Variants in B3GNT9 observed in about 807,000 individuals in gnomAD.
The protein encoded by B3GNT9 is BGnT-9.
For synonymous variants in B3GNT9, 359 were observed against 283.9 expected, an observed-to-expected ratio of 1.26 and a Z score of -2.66; for missense variants, 669 against 599.2, an observed-to-expected ratio of 1.12 and a Z score of -1.22.
rs1001360337 is a variant in B3GNT9 at position 67,150,684 on chromosome 16, G to C, written c.-186-13C>G. On this transcript the variant is annotated splice_polypyrimidine_tract_variant and intron_variant, in intron 1 of 1. Transcript: ENST00000449549. ...CGGGACCGGCAGCCTGAAGGGACAA[G>C]AAGTTCACCCATGTAGCCAACTCCC... 6.5e-5 allele frequency: 27 copies of C among 417,452 alleles called. No homozygotes were observed. The highest frequency in any genetic ancestry group is 9.8e-5 in the Non-Finnish European group (24 of 245,274). 25.9% of individuals were successfully genotyped at this position (417,452 alleles called of 1,614,324 possible). A position where few individuals can be genotyped will look rare whatever the true frequency, so the allele number is the denominator to read the frequency against.
chr16:67,149,323 G>C lies in B3GNT9; in HGVS notation c.1163C>G (p.Ala388Gly). ...GCCTGCAGCGACAGGCTGTGGATGC[G>C]CACAGGCTGGCCCATGCGGCCCGTG... ...LLHGPHGPACAHPQPVAAGPF... is the reference protein window; with the variant it reads ...LLHGPHGPACGHPQPVAAGPF... The change falls in exon 2 of 2, where the codon GCG becomes GGG. Residue 388 changes from alanine (A) to glycine (G), a missense_variant. Transcript: ENST00000449549. 1.3e-6 allele frequency: 2 copies of C among 1,587,392 alleles called. No individual in the cohort carries two copies. The highest frequency in any genetic ancestry group is 1.7e-6 in the Non-Finnish European group (2 of 1,166,158).
chr16:67,149,242 G>A lies in B3GNT9; in HGVS notation c.*35C>T, dbSNP rs765914160. ...AATCTGGGAAACCGGCTCCATTCTG[G>A]GTCTGAGTTAGGAGCTTGGGGCTGT... On this transcript the variant is annotated 3_prime_UTR_variant, in exon 2 of 2. Coordinates refer to ENST00000449549, the MANE Select transcript of B3GNT9 (RefSeq NM_033309.3). The A allele has an allele frequency of 1.3e-6, 2 of 1,509,092 alleles. No individual in the cohort carries two copies. Among genetic ancestry groups the A allele is most frequent in the South Asian group, 1.4e-5 (1 of 73,892 alleles). The allele number at this position is 1,509,092 out of a possible 1,614,324, so 93.5% of individuals were successfully genotyped here. A position where few individuals can be genotyped will look rare whatever the true frequency, so the allele number is the denominator to read the frequency against.
chr16:67,149,517 C>G lies in B3GNT9; in HGVS notation c.969G>C (p.Leu323=). ...GCTCGGGCGTGAGCCGCAGGCGCTGCAGACACATGCCCAGAAAGACGTCGT... is the reference window on the plus strand; with the variant it reads ...GCTCGGGCGTGAGCCGCAGGCGCTGGAGACACATGCCCAGAAAGACGTCGT... ...PIDDVFLGMC[L]QRLRLTPEPH... Residue 323 remains leucine, a synonymous_variant, in exon 2 of 2, where the codon CTG becomes CTC. Transcript: ENST00000449549. The G allele has an allele frequency of 1.2e-6, 2 of 1,609,332 alleles. No homozygotes were observed. Among genetic ancestry groups the G allele is most frequent in the Non-Finnish European group, 8.5e-7 (1 of 1,178,062 alleles).
Position 67,149,461 on chromosome 16 carries a change from G to A in B3GNT9, c.1025C>T (p.Pro342Leu), listed in dbSNP as rs1462405726. ...PHPAFRTFGI[P>L]QPSAAPHLST... is the part of the protein sequence containing the mutation. ...CAAATGCGGCGCGGCTGAAGGCTGG[G>A]GGATGCCAAAGGTGCGGAAGGCAGG... The change falls in exon 2 of 2, where the codon CCC (proline) becomes CTC (leucine). Residue 342 changes from proline to leucine, a missense_variant. Pro to Leu is a moderately conservative substitution (Grantham distance 98). Transcript: ENST00000449549. 3.1e-6 allele frequency: 5 copies of A among 1,608,112 alleles called. No individual in the cohort carries two copies. In the East Asian group the frequency reaches 1.1e-4, roughly 36 times the overall value.
In B3GNT9 at chr16:67,150,317, G is replaced by T; in HGVS notation, c.169C>A (p.Gln57Lys). 1 of 1,409,238 alleles carries T rather than the reference G, an allele frequency of 7.1e-7. No individual in the cohort carries two copies. Among genetic ancestry groups the T allele is most frequent in the Non-Finnish European group, 9.3e-7 (1 of 1,079,128 alleles). The allele number at this position is 1,409,238 out of a possible 1,614,324, so 87.3% of individuals were successfully genotyped here. A position where few individuals can be genotyped will look rare whatever the true frequency, so the allele number is the denominator to read the frequency against. ...PRPTPGPRAFQLPDAGAAPPA... is the reference protein window; with the variant it reads ...PRPTPGPRAFKLPDAGAAPPA... ...GGGGCTGCACCCGCGTCGGGTAACTGGAACGCGCGGGGTCCGGGGGTGGGC... is the reference window on the plus strand; with the variant it reads ...GGGGCTGCACCCGCGTCGGGTAACTTGAACGCGCGGGGTCCGGGGGTGGGC... Residue 57 changes from glutamine (Q) to lysine (K), a missense_variant, in exon 2 of 2, where the codon CAG becomes AAG. Gln to Lys is a moderately conservative substitution (Grantham distance 53). Transcript: ENST00000449549.
rs1359368123 is a variant in B3GNT9 at position 67,150,391 on chromosome 16, G to A, written c.95C>T (p.Ala32Val). The change falls in exon 2 of 2, where the codon GCG (alanine) becomes GTG (valine). Residue 32 changes from alanine to valine, a missense_variant. Coordinates refer to ENST00000449549, the MANE Select transcript of B3GNT9 (RefSeq NM_033309.3). ...GLLLYAQRDG[A>V]APTASAPRGR... ...TCGCGGCGCGCTCGCCGTCGGGGCC[G>A]CGCCGTCGCGCTGCGCATAGAGTAA... 3 of 1,353,218 alleles carry A rather than the reference G, an allele frequency of 2.2e-6. No homozygotes were observed. The highest frequency in any genetic ancestry group is 2.8e-6 in the Non-Finnish European group (3 of 1,054,620). The allele number at this position is 1,353,218 out of a possible 1,614,324, so 83.8% of individuals were successfully genotyped here.
Position 67,150,475 on chromosome 16 carries a change from C to G in B3GNT9, c.11G>C (p.Arg4Thr). MRR[R>T]LRLRRDALLT... ...CAATGCGTCCCTGCGTAGGCGCAGC[C>G]TCCTCCTCATCTCCGCGCGGCCTGC... Residue 4 changes from arginine (R) to threonine (T), a missense_variant, in exon 2 of 2, where the codon AGG (arginine) becomes ACG (threonine). Coordinates refer to ENST00000449549, the MANE Select transcript of B3GNT9 (RefSeq NM_033309.3). 1 of 1,317,400 alleles carries G rather than the reference C, an allele frequency of 7.6e-7. No individual in the cohort carries two copies. The highest frequency in any genetic ancestry group is 9.7e-7 in the Non-Finnish European group (1 of 1,035,434). 81.6% of individuals were successfully genotyped at this position (1,317,400 alleles called of 1,614,324 possible).
In B3GNT9 at chr16:67,150,541, G is replaced by C; in HGVS notation, c.-56C>G. The C allele has an allele frequency of 8.0e-7, 1 of 1,242,802 alleles. No homozygotes were observed. Among genetic ancestry groups the C allele is most frequent in the Non-Finnish European group, 1.0e-6 (1 of 990,810 alleles). 77.0% of individuals were successfully genotyped at this position (1,242,802 alleles called of 1,614,324 possible). A position where few individuals can be genotyped will look rare whatever the true frequency, so the allele number is the denominator to read the frequency against. The stretch of plus-strand genomic sequence containing the variant: ...TAAGGGTCGCAGTCGGCAGCAGGGG[G>C]CAGCGAGCCCCGCCCTCCCCAGCTG... On this transcript the variant is annotated 5_prime_UTR_variant, in exon 2 of 2. Transcript: ENST00000449549.
In B3GNT9 at chr16:67,149,519, G is replaced by C; in HGVS notation, c.967C>G (p.Leu323Val). 2 of 1,609,652 alleles carry C rather than the reference G, an allele frequency of 1.2e-6. No individual in the cohort carries two copies. The highest frequency in any genetic ancestry group is 1.7e-6 in the Non-Finnish European group (2 of 1,178,204). Residue 323 changes from leucine to valine, a missense_variant, in exon 2 of 2, where the codon CTG becomes GTG. Transcript: ENST00000449549. ...PIDDVFLGMC[L>V]QRLRLTPEPH... ...TCGGGCGTGAGCCGCAGGCGCTGCAGACACATGCCCAGAAAGACGTCGTCG... is the reference window on the plus strand; with the variant it reads ...TCGGGCGTGAGCCGCAGGCGCTGCACACACATGCCCAGAAAGACGTCGTCG...
intron 1 of B3GNT9, 90 bp downstream of exon 1, chr16:67,150,775 C>T (rs2030452142): frequency 1.3e-5 from 4 of 306,676 alleles, no homozygotes; most frequent in Non-Finnish European, 2.4e-5. Context: ...GAGCCTCGGC[C>T]CCTCCCCCGC....
chr16:67,149,305 G>C lies in B3GNT9; in HGVS notation c.1181C>G (p.Ala394Gly). The change falls in exon 2 of 2, where the codon GCT becomes GGT. Residue 394 changes from alanine (A) to glycine (G), a missense_variant. Physicochemically the swap from Ala to Gly is moderately conservative, Grantham distance 60. Transcript: ENST00000449549. ...GGAGTCCCATTGGAAGGGGCCTGCA[G>C]CGACAGGCTGTGGATGCGCACAGGC... is the stretch of plus-strand genomic sequence containing the variant. Reference protein sequence around the residue: ...GPACAHPQPVAAGPFQWDS With the variant: ...GPACAHPQPVGAGPFQWDS 1 of 1,564,002 alleles carries C rather than the reference G, an allele frequency of 6.4e-7. No individual in the cohort carries two copies. The highest frequency in any genetic ancestry group is 8.7e-7 in the Non-Finnish European group (1 of 1,153,694).
rs1232191942 is a variant in B3GNT9, at chr16:67,148,465, C to T, written c.*812G>A. The T allele has an allele frequency of 1.3e-5, 2 of 152,542 alleles. No individual in the cohort carries two copies. The highest frequency in any genetic ancestry group is 2.4e-5 in the African/African-American group (1 of 41,468). The allele number at this position is 152,542 out of a possible 1,614,324, so 9.4% of individuals were successfully genotyped here. A position where few individuals can be genotyped will look rare whatever the true frequency, so the allele number is the denominator to read the frequency against. ...GGGAACCTTCCTTATCCCCTGCCCA[C>T]ATCCCCTCTCCAATAAAGCACCTGT... is the stretch of plus-strand genomic sequence containing the variant. On this transcript the variant is annotated 3_prime_UTR_variant, in exon 2 of 2. Transcript: ENST00000449549.
At position 67,149,745 on chromosome 16, in the gene B3GNT9, G is replaced by C. The variant is rs746852529; in HGVS notation, c.741C>G (p.Asp247Glu). The change falls in exon 2 of 2, where the codon GAC (aspartate) becomes GAG (glutamate). Residue 247 changes from aspartate (D) to glutamate (E), a missense_variant. By Grantham distance (45) the Asp-to-Glu change is conservative (BLOSUM62 2). Transcript: ENST00000449549. ...GNLLEFLAPR[D>E]PAQDLLAGDV... is the part of the protein sequence containing the mutation. ...CACCAGCAAGCAGGTCTTGCGCCGG[G>C]TCCCGCGGCGCCAGGAACTCCAGGA... is the stretch of plus-strand genomic sequence containing the variant. 4.3e-6 allele frequency: 7 copies of C among 1,613,594 alleles called. No individual in the cohort carries two copies. Among genetic ancestry groups the C allele is most frequent in the African/African-American group, 4.0e-5 (3 of 74,926 alleles).
At position 67,149,745 on chromosome 16, in the gene B3GNT9, G is replaced by T; in HGVS notation, c.741C>A (p.Asp247Glu). ...CACCAGCAAGCAGGTCTTGCGCCGG[G>T]TCCCGCGGCGCCAGGAACTCCAGGA... ...GNLLEFLAPR[D>E]PAQDLLAGDV... Residue 247 changes from aspartate to glutamate, a missense_variant, in exon 2 of 2, where the codon GAC (aspartate) becomes GAA (glutamate). Physicochemically the swap from Asp to Glu is conservative, Grantham distance 45 (BLOSUM62 2). Transcript: ENST00000449549. The T allele has an allele frequency of 6.2e-7, 1 of 1,613,712 alleles. No individual in the cohort carries two copies. Among genetic ancestry groups the T allele is most frequent in the Non-Finnish European group, 8.5e-7 (1 of 1,179,808 alleles).
Position 67,150,075 on chromosome 16 carries a change from C to T in B3GNT9, c.411G>A (p.Gln137=). 6.8e-7 allele frequency: 1 copy of T among 1,468,646 alleles called. No homozygotes were observed. The highest frequency in any genetic ancestry group is 9.0e-7 in the Non-Finnish European group (1 of 1,113,300). The allele number at this position is 1,468,646 out of a possible 1,614,324, so 91.0% of individuals were successfully genotyped here. A position where few individuals can be genotyped will look rare whatever the true frequency, so the allele number is the denominator to read the frequency against. ...GCACGCGACCCTCCGCGCCCCACGTCTGGCGCACGGCTTGGCGCCGCTCGA... is the reference window on the plus strand; with the variant it reads ...GCACGCGACCCTCCGCGCCCCACGTTTGGCGCACGGCTTGGCGCCGCTCGA... ...EDFERRQAVR[Q]TWGAEGRVQG... The change falls in exon 2 of 2, where the codon CAG becomes CAA. Residue 137 remains glutamine, a synonymous_variant. Transcript: ENST00000449549.
At position 67,149,272 on chromosome 16, in the gene B3GNT9, G is replaced by A. The variant is rs1326656503; in HGVS notation, c.*5C>T. 3.3e-6 allele frequency: 5 copies of A among 1,530,916 alleles called. No individual in the cohort carries two copies. In the East Asian group the frequency reaches 1.1e-4, roughly 35 times the overall value. 94.8% of individuals were successfully genotyped at this position (1,530,916 alleles called of 1,614,324 possible). On this transcript the variant is annotated 3_prime_UTR_variant, in exon 2 of 2. Coordinates refer to ENST00000449549, the MANE Select transcript of B3GNT9 (RefSeq NM_033309.3). ...GAGTTAGGAGCTTGGGGCTGTAGTG[G>A]GGAGCTAGGAGTCCCATTGGAAGGG...
At position 67,150,217 on chromosome 16, in the gene B3GNT9, G is replaced by A. The variant is rs771374939; in HGVS notation, c.269C>T (p.Ala90Val). Reference sequence around the variant, plus strand: ...CAGTGGAAACCGCCGCTGGTCCTTGGCGCGCAAATAGCGGGCGAAGTCAAA... The same window carrying A: ...CAGTGGAAACCGCCGCTGGTCCTTGACGCGCAAATAGCGGGCGAAGTCAAA... ...GPFDFARYLR[A>V]KDQRRFPLLI... The change falls in exon 2 of 2, where the codon GCC becomes GTC. Residue 90 changes from alanine (A) to valine (V), a missense_variant. By Grantham distance (64) the Ala-to-Val change is moderately conservative (BLOSUM62 0). Coordinates refer to ENST00000449549, the MANE Select transcript of B3GNT9 (RefSeq NM_033309.3). 1.3e-6 allele frequency: 2 copies of A among 1,552,844 alleles called. No homozygotes were observed. The highest frequency in any genetic ancestry group is 1.2e-5 in the South Asian group (1 of 84,676).
In B3GNT9 at chr16:67,149,562, C is replaced by T; in HGVS notation, c.924G>A (p.Gln308=). The T allele has an allele frequency of 6.2e-7, 1 of 1,607,318 alleles. No homozygotes were observed. Among genetic ancestry groups the T allele is most frequent in the Non-Finnish European group, 8.5e-7 (1 of 1,177,174 alleles). ...CGTCGTCGATGGGGAAGAGCTCGAC[C>T]TGCGCACAGGCGCCAGCCAGGCGGT... The part of the protein sequence containing the change: ...TLHRLAGACA[Q]VELFPIDDVF... Residue 308 remains glutamine (Q), a synonymous_variant, in exon 2 of 2, where the codon CAG becomes CAA. Coordinates refer to ENST00000449549, the MANE Select transcript of B3GNT9 (RefSeq NM_033309.3).
Position 67,149,418 on chromosome 16 carries a change from G to A in B3GNT9, c.1068C>T (p.Cys356=), listed in dbSNP as rs2030359027. Residue 356 remains cysteine, a synonymous_variant, in exon 2 of 2, where the codon TGC becomes TGT. Coordinates refer to ENST00000449549, the MANE Select transcript of B3GNT9 (RefSeq NM_033309.3). ...AAPHLSTFDP[C]FYRELVVVHG... The stretch of plus-strand genomic sequence containing the variant: ...GCACTACAACCAGCTCACGGTAAAA[G>A]CAGGGGTCGAAGGTGCTCAAATGCG... The A allele has an allele frequency of 3.7e-6, 6 of 1,604,702 alleles. No individual in the cohort carries two copies. Among genetic ancestry groups the A allele is most frequent in the Non-Finnish European group, 5.1e-6 (6 of 1,175,616 alleles).
Sources: allele counts gnomAD v4.1 joint callset, GRCh38; gene constraint gnomAD v4.1.1; transcripts MANE v1.5; gene names NCBI Gene and HGNC (gene_info 2026-07-23, HGNC 2026-07-21).